THRB: variants seen among roughly 807,000 people sequenced by gnomAD.
The protein encoded by THRB is thyroid hormone receptor beta, also known as nuclear receptor subfamily 1 group A member 2.
Under a neutral mutation model 47.8 loss-of-function variants are expected in THRB, and 12 were observed. The ratio of observed to expected loss-of-function variants is 0.25; its 90% CI spans 0.16 to 0.41. THRB has a LOEUF of 0.41. Ranked by LOEUF, THRB falls within the 10% of genes least tolerant of loss-of-function variation. THRB has a pLI of 1.00. For missense variants in THRB, 348 were observed against 589.2 expected (o/e 0.59, Z 4.24); for synonymous variants, 218 against 212.2 (o/e 1.03, Z -0.24).
chr3:24,448,911 A>G (rs531326160), intron 1 of THRB, among the ~76,000 whole-genome samples: 1 of 152,346 alleles, frequency 6.6e-6, no homozygotes, highest in African/African-American at 2.4e-5. Context: ...AGAGAAGCCC[A>G]TGCAAAAGCA....
intron 1 of THRB, among the ~76,000 whole-genome samples, chr3:24,434,539 G>C (rs1577535754): frequency 6.6e-6 from 1 of 152,160 alleles, no homozygotes; most frequent in South Asian, 2.1e-4. Flanking sequence ...CTGTGAAAAG[G>C]CTTTGCCATC....
At chr3:24,218,096 C>T (rs1357687132) in intron 4 of THRB, among the ~76,000 whole-genome samples, 1 of 151,938 alleles carries the variant, frequency 6.6e-6, no homozygotes, top group Non-Finnish European at 1.5e-5. Flanking sequence ...GAAACCTCGT[C>T]TCTACTAAAA....
intron 4 of THRB, among the ~76,000 whole-genome samples, chr3:24,217,415 T>A (rs1417896875): frequency 6.6e-6 from 1 of 152,126 alleles, no homozygotes; most frequent in Non-Finnish European, 1.5e-5. Context: ...AAACATCAGA[T>A]TAGTAACCAA....
chr3:24,214,487 A>G (rs142490224), intron 4 of THRB, among the ~76,000 whole-genome samples: 208 of 152,228 alleles, frequency 1.4e-3, no homozygotes, highest in African/African-American at 4.4e-3. Context: ...AAATCATAGG[A>G]AACAATAAAA....
chr3:24,237,205 T>A (rs1258003319), intron 3 of THRB, among the ~76,000 whole-genome samples: 1 of 152,196 alleles, frequency 6.6e-6, no homozygotes, highest in African/African-American at 2.4e-5. Flanking sequence ...TCAGAATTTC[T>A]CCACTGGGTA....
intron 1 of THRB, among the ~76,000 whole-genome samples, chr3:24,465,872 T>C (rs1317368520): frequency 6.6e-6 from 1 of 152,176 alleles, no homozygotes; most frequent in Non-Finnish European, 1.5e-5. Context: ...ATTTATACTT[T>C]CACGTGGCTT....
At chr3:24,299,504 C>T (rs1181687663) in intron 2 of THRB, among the ~76,000 whole-genome samples, 1 of 151,656 alleles carries the variant, frequency 6.6e-6, no homozygotes, top group African/African-American at 2.4e-5. Flanking sequence ...TGGTACAGAC[C>T]CGATGCTGTA....
At chr3:24,174,977 C>T (rs552382446) in intron 5 of THRB, among the ~76,000 whole-genome samples, 53 of 152,318 alleles carry the variant, frequency 3.5e-4, no homozygotes, top group Non-Finnish European at 5.0e-4. Context: ...TAGCAGCTTA[C>T]GCTGGAGTCT....
At chr3:24,422,650 A>C (rs1045356996) in intron 1 of THRB, among the ~76,000 whole-genome samples, 2 of 151,862 alleles carry the variant, frequency 1.3e-5, no homozygotes, top group African/African-American at 4.8e-5. Flanking sequence ...GCTGCTGCTG[A>C]AGATTCTTCA....
intron 1 of THRB, among the ~76,000 whole-genome samples, chr3:24,490,502 TG>T (rs772482423): frequency 6.6e-6 from 1 of 152,228 alleles, no homozygotes; most frequent in Non-Finnish European, 1.5e-5. Flanking sequence ...CCAAGCTCTT[TG>T]CTAGGCTATG....
chr3:24,414,696 G>T (rs950164553), intron 1 of THRB, among the ~76,000 whole-genome samples: 5 of 151,730 alleles, frequency 3.3e-5, no homozygotes, highest in Admixed American at 6.6e-5. Flanking sequence ...TCACTTAAAG[G>T]GGTAAAATAT....
chr3:24,471,384 T>C (rs1038551714), intron 1 of THRB, among the ~76,000 whole-genome samples: 4 of 152,198 alleles, frequency 2.6e-5, no homozygotes, highest in African/African-American at 7.2e-5. Context: ...AAATCTGCAA[T>C]AGGGGTTAAG....
intron 8 of THRB, among the ~76,000 whole-genome samples, chr3:24,134,040 G>C (rs2034275019): frequency 6.6e-6 from 1 of 152,174 alleles, no homozygotes; most frequent in Non-Finnish European, 1.5e-5. Context: ...CTGTCTACAG[G>C]AAACTTGGCA....
chr3:24,149,561 C>T (rs1439461654), intron 6 of THRB, among the ~76,000 whole-genome samples: 1 of 152,216 alleles, frequency 6.6e-6, no homozygotes, highest in Non-Finnish European at 1.5e-5. Flanking sequence ...GTTGAGATAG[C>T]TAGCTCTACT....
intron 2 of THRB, among the ~76,000 whole-genome samples, chr3:24,314,519 T>C (rs1013169972): frequency 1.3e-5 from 2 of 152,216 alleles, no homozygotes; most frequent in African/African-American, 4.8e-5. Flanking sequence ...AGAGGTCTTT[T>C]TTTTAAATAA....
intron 1 of THRB, among the ~76,000 whole-genome samples, chr3:24,402,773 C>T (rs1385800348): frequency 6.6e-6 from 1 of 151,990 alleles, no homozygotes; most frequent in Non-Finnish European, 1.5e-5. Context: ...TTATGGTCAA[C>T]TCTTATAATT....
intron 1 of THRB, among the ~76,000 whole-genome samples, chr3:24,347,360 C>T (rs2063086352): frequency 6.6e-6 from 1 of 151,568 alleles, no homozygotes; most frequent in Admixed American, 6.6e-5. Context: ...AAAATAATAC[C>T]ATATTAGGGT....
At chr3:24,300,468 A>C (rs1233446799) in intron 2 of THRB, among the ~76,000 whole-genome samples, 2 of 152,118 alleles carry the variant, frequency 1.3e-5, no homozygotes, top group African/African-American at 4.8e-5. Flanking sequence ...TGGTTTCCAG[A>C]TTCTTCTTTC....
chr3:24,321,409 T>C (rs7609873), intron 2 of THRB, among the ~76,000 whole-genome samples: 70,061 of 151,964 alleles, frequency 0.46, 17,574 homozygotes, highest in East Asian at 0.65. Flanking sequence ...TTTTTACAGT[T>C]ATCTTTTGCT....
Sources: allele counts gnomAD v4.1 joint callset (sites outside exome capture counted in the v4.1 genomes callset), GRCh38; gene constraint gnomAD v4.1.1; transcripts MANE v1.5; gene names NCBI Gene and HGNC (gene_info 2026-07-23, HGNC 2026-07-21).